Variants in GBP6 observed in about 807,000 individuals in gnomAD.
GBP6 encodes guanylate binding protein family member 6.
A neutral mutation model predicts 61.5 loss-of-function variants in GBP6; 54 were observed. The ratio of observed to expected loss-of-function variants is 0.88; its 90% CI spans 0.71 to 1.10. GBP6 has a LOEUF of 1.10. Ranked by LOEUF, GBP6 falls within the 50% of genes least tolerant of loss-of-function variation. The pLI is 0.00. For missense variants in GBP6, 748 were observed against 752.8 expected, an observed-to-expected ratio of 0.99 and a Z score of 0.07; for synonymous variants, 255 against 273.7, an observed-to-expected ratio of 0.93 and a Z score of 0.67.
At chr1:89,371,564 A>G (rs941985272) in intron 3 of GBP6, among the ~76,000 whole-genome samples, 1 of 152,226 alleles carries the variant, frequency 6.6e-6, no homozygotes, top group African/African-American at 2.4e-5. Context: ...CACAAAAACC[A>G]CATGATTATC....
In GBP6 at chr1:89,382,743, A is replaced by G. The variant is rs1444326059; in HGVS notation, c.1232A>G (p.Asn411Ser). ...GTTCAATACTGCCAGGCTAAACTCA[A>G]TGAGCTCTCAAAGGGACTAATGGAA... ...SSVQYCQAKL[N>S]ELSKGLMESI... The change falls in exon 8 of 11, where the codon AAT (asparagine) becomes AGT (serine). Residue 411 changes from asparagine (N) to serine (S), a missense_variant. Asn to Ser is a conservative substitution (Grantham distance 46). Coordinates refer to ENST00000370456, the MANE Select transcript of GBP6 (RefSeq NM_198460.3). 6.2e-7 allele frequency: 1 copy of G among 1,614,098 alleles called. No individual in the cohort carries two copies. The highest frequency in any genetic ancestry group is 8.5e-7 in the Non-Finnish European group (1 of 1,179,946).
At chr1:89,371,466 T>C (rs564899279) in intron 3 of GBP6, among the ~76,000 whole-genome samples, 3 of 152,284 alleles carry the variant, frequency 2.0e-5, no homozygotes, top group Non-Finnish European at 2.9e-5. Context: ...TTATCCACCA[T>C]GATCAAGTGG....
chr1:89,373,958 T>C (rs1264299065), intron 3 of GBP6, among the ~76,000 whole-genome samples: 1 of 152,106 alleles, frequency 6.6e-6, no homozygotes, highest in Non-Finnish European at 1.5e-5. Context: ...TGGGAGGTAA[T>C]TGAATCATGT....
chr1:89,368,041 GT>G (rs1002607988), intron 1 of GBP6, among the ~76,000 whole-genome samples: 1 of 152,166 alleles, frequency 6.6e-6, no homozygotes, highest in African/African-American at 2.4e-5. Context: ...TTTTTTTAAA[GT>G]TGTTTTGTGA....
Position 89,369,681 on chromosome 1 carries a change from A to T in GBP6, c.318+8A>T. On this transcript the variant is annotated splice_region_variant and intron_variant, in intron 3 of 10. Transcript: ENST00000370456. The stretch of plus-strand genomic sequence containing the variant: ...CTGGGCGATGTGGAAAAGGTAAGAC[A>T]GAGAGTCATAGACAGGTTCCTTTTA... The T allele has an allele frequency of 6.2e-7, 1 of 1,612,780 alleles. No homozygotes were observed. The highest frequency in any genetic ancestry group is 1.1e-5 in the South Asian group (1 of 90,938).
chr1:89,379,699 T>C (rs1652908035), intron 5 of GBP6, among the ~76,000 whole-genome samples: 1 of 152,262 alleles, frequency 6.6e-6, no homozygotes, highest in Admixed American at 6.5e-5. Flanking sequence ...ATGAGAAATA[T>C]CAATTCCAGT....
rs1428303654 is a variant in GBP6 at position 89,381,994 on chromosome 1, A to G, written c.1152+20A>G. On this transcript the variant is annotated intron_variant, in intron 7 of 10. Coordinates refer to ENST00000370456, the MANE Select transcript of GBP6 (RefSeq NM_198460.3). ...TTCATGGTAATTTGCCTTAGTCATTACTGTTCATCATCCTTCCCCTTGAAG... is the reference window on the plus strand; with the variant it reads ...TTCATGGTAATTTGCCTTAGTCATTGCTGTTCATCATCCTTCCCCTTGAAG... 2 of 1,582,500 alleles carry G rather than the reference A, an allele frequency of 1.3e-6. No homozygotes were observed. Among genetic ancestry groups the G allele is most frequent in the South Asian group, 1.2e-5 (1 of 85,536 alleles).
At position 89,368,715 on chromosome 1, in the gene GBP6, T is replaced by G; in HGVS notation, c.164T>G (p.Met55Arg). ...TACCGTACAGGGAAATCCTACTTGA[T>G]GAACCATCTGGCAGGACAGAATCAT... Reference protein sequence around the residue: ...GLYRTGKSYLMNHLAGQNHGF... With the variant: ...GLYRTGKSYLRNHLAGQNHGF... The change falls in exon 2 of 11, where the codon ATG becomes AGG. Residue 55 changes from methionine (M) to arginine (R), a missense_variant. Met to Arg is a moderately conservative substitution (Grantham distance 91, BLOSUM62 -1). Coordinates refer to ENST00000370456, the MANE Select transcript of GBP6 (RefSeq NM_198460.3). 6.2e-7 allele frequency: 1 copy of G among 1,613,656 alleles called. No homozygotes were observed. Among genetic ancestry groups the G allele is most frequent in the Non-Finnish European group, 8.5e-7 (1 of 1,179,686 alleles).
chr1:89,365,003 C>T (rs1349091488), intron 1 of GBP6, among the ~76,000 whole-genome samples: 1 of 136,996 alleles, frequency 7.3e-6, no homozygotes, highest in Non-Finnish European at 1.6e-5. Flanking sequence ...CCACCCCCAG[C>T]GCCAACCCCC....
At chr1:89,364,592 T>C (rs1390452690) in intron 1 of GBP6, among the ~76,000 whole-genome samples, 1 of 131,660 alleles carries the variant, frequency 7.6e-6, no homozygotes, top group Non-Finnish European at 1.5e-5. Flanking sequence ...CTTTATTACT[T>C]AAAAATAATT....
intron 5 of GBP6, 67 bp downstream of exon 5, chr1:89,378,680 A>T (rs536957100): frequency 2.4e-6 from 3 of 1,229,954 alleles, no homozygotes; most frequent in East Asian, 2.4e-5. Flanking sequence ...ACTGCCCATC[A>T]TCTCTGGGGT....
intron 6 of GBP6, 33 bp from the exon 7 acceptor site, chr1:89,381,661 A>T (rs1269962711): frequency 1.3e-6 from 2 of 1,566,174 alleles, no homozygotes; most frequent in South Asian, 2.4e-5. Context: ...CTTTAATTTC[A>T]TATTTAGCCC....
At position 89,378,117 on chromosome 1, in the gene GBP6, T is replaced by A. The variant is rs1212026768; in HGVS notation, c.333T>A (p.Asn111Lys). ...GTGCTTTTTAGGGTGACCCTAAGAA[T>A]GACTCCTGGATCTTTGCCCTGGCTG... The part of the protein sequence containing the change: ...LGDVEKGDPK[N>K]DSWIFALAVL... Residue 111 changes from asparagine to lysine, a missense_variant, in exon 4 of 11, where the codon AAT (asparagine) becomes AAA (lysine). Asn to Lys is a moderately conservative substitution (Grantham distance 94). Transcript: ENST00000370456. The A allele has an allele frequency of 6.2e-7, 1 of 1,612,736 alleles. No homozygotes were observed.
chr1:89,364,222 G>A (rs1007401945), intron 1 of GBP6, 95 bp downstream of exon 1: 2 of 152,280 alleles, frequency 1.3e-5, no homozygotes, highest in African/African-American at 4.8e-5. Flanking sequence ...GGAAGGGCAG[G>A]GTGCCTGCTG....
rs1040123051 is a variant in GBP6, at chr1:89,369,604, G to A, written c.249G>A (p.Val83=). ...SETKGIWMWC[V]PHPSKPNHTL... is the part of the protein sequence containing the mutation. ...CCAAGGGCATCTGGATGTGGTGCGT[G>A]CCCCACCCATCCAAGCCAAACCACA... Residue 83 remains valine, a synonymous_variant, in exon 3 of 11, where the codon GTG becomes GTA. Coordinates refer to ENST00000370456, the MANE Select transcript of GBP6 (RefSeq NM_198460.3). The A allele has an allele frequency of 1.6e-5, 26 of 1,614,078 alleles. No individual in the cohort carries two copies. The highest frequency in any genetic ancestry group is 2.2e-5 in the Non-Finnish European group (26 of 1,179,966).
chr1:89,382,005 T>C (rs1652995414), intron 7 of GBP6, 31 bp downstream of exon 7: 1 of 1,563,690 alleles, frequency 6.4e-7, no homozygotes, highest in Non-Finnish European at 8.7e-7. Flanking sequence ...CTGTTCATCA[T>C]CCTTCCCCTT....
rs1040075078 is a variant in GBP6 at position 89,386,178 on chromosome 1, C to A, written c.*709C>A. 16 of 148,864 alleles carry A rather than the reference C, an allele frequency of 1.1e-4. No homozygotes were observed. Among genetic ancestry groups the A allele is most frequent in the Non-Finnish European group, 1.6e-4 (11 of 67,052 alleles). 9.2% of individuals were successfully genotyped at this position (148,864 alleles called of 1,614,324 possible). A position where few individuals can be genotyped will look rare whatever the true frequency, so the allele number is the denominator to read the frequency against. On this transcript the variant is annotated 3_prime_UTR_variant, in exon 11 of 11. Transcript: ENST00000370456. ...ATTGTAAAATGAAAAAAAAAAAAACCAAGTTGTAAAGCAATGTAGATTATC... is the reference window on the plus strand; with the variant it reads ...ATTGTAAAATGAAAAAAAAAAAAACAAAGTTGTAAAGCAATGTAGATTATC...
At position 89,373,578 on chromosome 1, in the gene GBP6, C is replaced by T. The variant is rs539554729; in HGVS notation, c.318+3905C>T. Among the ~76,000 whole-genome samples the T allele has an allele frequency of 1.7e-4, 26 of 152,226 alleles. No homozygotes were observed. In the East Asian group the frequency reaches 5.0e-3, roughly 29 times the overall value. On this transcript the variant is annotated intron_variant, in intron 3 of 10. Coordinates refer to ENST00000370456, the MANE Select transcript of GBP6 (RefSeq NM_198460.3). ...ACTATCACAAGGACAAAAAACCAAA[C>T]ACCACATGTTCTCACTCATAGGTGG... is the stretch of plus-strand genomic sequence containing the variant.
chr1:89,378,857 C>T (rs1652881594), intron 5 of GBP6, among the ~76,000 whole-genome samples: 1 of 152,180 alleles, frequency 6.6e-6, no homozygotes, highest in African/African-American at 2.4e-5. Context: ...CCTCAGCATT[C>T]AGATTACAAT....
Sources: gnomAD v4.1 joint callset for allele counts (sites outside exome capture counted in the v4.1 genomes callset) on GRCh38, gnomAD v4.1.1 for gene constraint, MANE v1.5 for transcripts, NCBI Gene and HGNC (gene_info 2026-07-23, HGNC 2026-07-21) for gene names.